The following RYR2 variants were observed in gnomAD, a reference collection of about 807,000 sequenced individuals.
RYR2 encodes the protein cardiac muscle ryanodine receptor-calcium release channel.
RYR2 carries 227 observed loss-of-function variants against 601.1 expected under a neutral mutation model. That is an observed-to-expected ratio of 0.38 (90% confidence interval 0.34 to 0.42). RYR2 has a LOEUF of 0.42. Among genes scored for constraint, RYR2 ranks in the 10% least tolerant of loss-of-function variants. The probability of loss-of-function intolerance (pLI) is 1.00; values close to 1 mark genes in which losing one functional copy is unlikely to be tolerated. For missense variants in RYR2, 4,646 were observed against 6,156.5 expected (o/e 0.75, Z 8.21); for synonymous variants, 2,223 against 2,175.1 (o/e 1.02, Z -0.61).
At chr1:237,229,122 A>G (rs1332547292) in intron 1 of RYR2, among the ~76,000 whole-genome samples, 1 of 151,664 alleles carries the variant, frequency 6.6e-6, no homozygotes. Context: ...GACCAGCTGT[A>G]GCATCGCATC....
chr1:237,805,034 A>G (rs370918943), intron 98 of RYR2, among the ~76,000 whole-genome samples: 2 of 152,118 alleles, frequency 1.3e-5, no homozygotes, highest in Admixed American at 1.3e-4. Context: ...GCTGCTTGCC[A>G]TCCCACCATG....
intron 1 of RYR2, among the ~76,000 whole-genome samples, chr1:237,223,572 C>A (rs1462787350): frequency 6.6e-6 from 1 of 152,126 alleles, no homozygotes; most frequent in African/African-American, 2.4e-5. Flanking sequence ...AAAATGTAAT[C>A]TTGTGAGTCA....
At chr1:237,611,111 A>T in intron 36 of RYR2, 123 bp downstream of exon 36, 1 of 755,310 alleles carries the variant, frequency 1.3e-6, no homozygotes, top group Non-Finnish European at 2.1e-6. Context: ...ATTTACAAAG[A>T]TCTAAATTCT....
intron 17 of RYR2, among the ~76,000 whole-genome samples, chr1:237,487,344 T>C (rs1301602998): frequency 6.6e-6 from 1 of 152,052 alleles, no homozygotes; most frequent in Non-Finnish European, 1.5e-5. Context: ...GACTCTTTGG[T>C]GTTTCTCATT....
At chr1:237,247,708 T>C (rs1686999982) in intron 1 of RYR2, among the ~76,000 whole-genome samples, 2 of 151,384 alleles carry the variant, frequency 1.3e-5, no homozygotes, top group East Asian at 1.9e-4. Flanking sequence ...ACTCCAGGAG[T>C]ATTGAGGTAC....
intron 29 of RYR2, among the ~76,000 whole-genome samples, chr1:237,577,534 G>T (rs1479739770): frequency 2.0e-5 from 1 of 48,958 alleles, no homozygotes; most frequent in Middle Eastern, 0.011. Context: ...GTGTGTGTGT[G>T]TGCGTGTGTG....
intron 1 of RYR2, among the ~76,000 whole-genome samples, chr1:237,209,155 G>A (rs1682268383): frequency 1.3e-5 from 2 of 150,170 alleles, no homozygotes; most frequent in Admixed American, 6.7e-5. Flanking sequence ...ATATATAAAT[G>A]TACTGTAATT....
intron 47 of RYR2, among the ~76,000 whole-genome samples, chr1:237,642,951 T>C (rs1328871155): frequency 6.6e-6 from 1 of 152,178 alleles, no homozygotes; most frequent in Non-Finnish European, 1.5e-5. Context: ...TAATGATAAT[T>C]TTCTTTGTAT....
intron 2 of RYR2, among the ~76,000 whole-genome samples, chr1:237,293,932 G>A (rs1034774424): frequency 6.6e-5 from 10 of 152,242 alleles, no homozygotes; most frequent in Non-Finnish European, 1.3e-4. Flanking sequence ...GGTCAAGGGT[G>A]GAATGTGTTG....
intron 17 of RYR2, among the ~76,000 whole-genome samples, chr1:237,488,959 C>T (rs1274831661): frequency 6.6e-6 from 1 of 152,136 alleles, no homozygotes; most frequent in Non-Finnish European, 1.5e-5. Context: ...CGAAAACATT[C>T]AGACCATAGC....
chr1:237,552,277 A>G (rs2148125767), intron 27 of RYR2, among the ~76,000 whole-genome samples: 1 of 152,280 alleles, frequency 6.6e-6, no homozygotes, highest in Middle Eastern at 3.4e-3. Flanking sequence ...ATGGCAATCA[A>G]AGAGACTTCT....
chr1:237,289,461 A>G (rs12095763), intron 2 of RYR2, among the ~76,000 whole-genome samples: 19,911 of 152,244 alleles, frequency 0.13, 2,803 homozygotes, highest in African/African-American at 0.35. Flanking sequence ...ACTTAGAATC[A>G]TAGCAGAAGG....
intron 1 of RYR2, among the ~76,000 whole-genome samples, chr1:237,055,596 T>A (rs1661895480): frequency 6.6e-6 from 1 of 152,092 alleles, no homozygotes; most frequent in South Asian, 2.1e-4. Context: ...AAGACAAAGC[T>A]GAGCTTCAGA....
At chr1:237,284,712 C>A (rs552583089) in intron 2 of RYR2, among the ~76,000 whole-genome samples, 13 of 127,018 alleles carry the variant, frequency 1.0e-4, no homozygotes, top group South Asian at 7.9e-4. Flanking sequence ...AAACACCCCC[C>A]CACACACACA....
chr1:237,199,518 C>T (rs1446203104), intron 1 of RYR2, among the ~76,000 whole-genome samples: 1 of 152,202 alleles, frequency 6.6e-6, no homozygotes, highest in African/African-American at 2.4e-5. Context: ...CTTTTTCTGC[C>T]TGCTTTTATT....
chr1:237,507,119 A>G (rs1665348386), intron 23 of RYR2, among the ~76,000 whole-genome samples: 2 of 152,242 alleles, frequency 1.3e-5, no homozygotes, highest in South Asian at 4.1e-4. Context: ...ATAGGCATTG[A>G]TTTTTAAGCC....
At chr1:237,132,080 A>G (rs1248421155) in intron 1 of RYR2, among the ~76,000 whole-genome samples, 2 of 152,190 alleles carry the variant, frequency 1.3e-5, no homozygotes, top group Non-Finnish European at 2.9e-5. Flanking sequence ...TGGTCTGTGT[A>G]ACCAAAAGAA....
chr1:237,792,589 C>A (rs1034952970), intron 94 of RYR2, among the ~76,000 whole-genome samples: 3 of 152,100 alleles, frequency 2.0e-5, no homozygotes, highest in African/African-American at 7.2e-5. Flanking sequence ...GTGCCGTCTC[C>A]AAAGCTGGGA....
chr1:237,314,376 A>G (rs1426377379), intron 2 of RYR2, among the ~76,000 whole-genome samples: 1 of 152,076 alleles, frequency 6.6e-6, no homozygotes, highest in African/African-American at 2.4e-5. Context: ...CATGAATTTC[A>G]AAGGCAAAAA....
Sources: allele counts gnomAD v4.1 joint callset (sites outside exome capture counted in the v4.1 genomes callset), GRCh38; gene constraint gnomAD v4.1.1; transcripts MANE v1.5; gene names NCBI Gene and HGNC (gene_info 2026-07-23, HGNC 2026-07-21).